KIAA0825: variants seen among roughly 807,000 people sequenced by gnomAD.
KIAA0825 encodes the protein KIAA0825, also known as uncharacterized protein KIAA0825.
A neutral mutation model predicts 147.6 loss-of-function variants in KIAA0825; 119 were observed. That is an observed-to-expected ratio of 0.81 (90% CI 0.69 to 0.94). The LOEUF (loss-of-function observed/expected upper bound fraction) is 0.94, where lower values mean the gene tolerates loss of function less well. Among genes scored for constraint, KIAA0825 ranks in the 40% least tolerant of loss-of-function variants. KIAA0825 has a pLI of 0.00. For synonymous variants in KIAA0825, 470 were observed against 518.1 expected (o/e 0.91, Z 1.26); for missense variants, 1,381 against 1,472.7 (o/e 0.94, Z 1.02).
At chr5:94,590,222 C>A (rs950986353) in intron 1 of KIAA0825, among the ~76,000 whole-genome samples, 1 of 151,994 alleles carries the variant, frequency 6.6e-6, no homozygotes, top group Non-Finnish European at 1.5e-5. Context: ...CTCGAACTCC[C>A]AACCTCAAGT....
intron 13 of KIAA0825, among the ~76,000 whole-genome samples, chr5:94,440,360 A>G (rs1756915215): frequency 6.6e-6 from 1 of 152,134 alleles, no homozygotes; most frequent in Non-Finnish European, 1.5e-5. Flanking sequence ...GATACAAAAT[A>G]CCCATGCCTA....
chr5:94,568,654 C>T (rs1174861005), intron 2 of KIAA0825: 1 of 152,390 alleles, frequency 6.6e-6, no homozygotes, highest in African/African-American at 2.4e-5. Flanking sequence ...ACTACTTAAC[C>T]AACAAACTCA....
intron 2 of KIAA0825, among the ~76,000 whole-genome samples, chr5:94,543,360 T>C (rs1023676245): frequency 4.6e-5 from 7 of 152,246 alleles, no homozygotes; most frequent in African/African-American, 1.7e-4. Context: ...GGAGAATTGC[T>C]TGAGCCCAGG....
chr5:94,555,151 T>C (rs920905697), intron 2 of KIAA0825, among the ~76,000 whole-genome samples: 2 of 152,136 alleles, frequency 1.3e-5, no homozygotes, highest in Non-Finnish European at 2.9e-5. Flanking sequence ...TTACTTGTAA[T>C]ATTTTAGGGT....
chr5:94,284,346 A>G (rs1341817575), intron 20 of KIAA0825, among the ~76,000 whole-genome samples: 2 of 152,092 alleles, frequency 1.3e-5, no homozygotes, highest in African/African-American at 4.8e-5. Context: ...ATCCTTGCCT[A>G]TATCACCCCA....
At chr5:94,411,862 G>A (rs973895558) in intron 15 of KIAA0825, among the ~76,000 whole-genome samples, 5 of 151,976 alleles carry the variant, frequency 3.3e-5, no homozygotes, top group African/African-American at 4.8e-5. Flanking sequence ...CAGGAGAATC[G>A]CTTGAACCTG....
intron 3 of KIAA0825, among the ~76,000 whole-genome samples, chr5:94,524,938 C>T (rs1039385234): frequency 6.6e-6 from 1 of 151,786 alleles, no homozygotes; most frequent in Admixed American, 6.6e-5. Flanking sequence ...ATTTTAATTT[C>T]CATACACACT....
chr5:94,378,815 T>G (rs1029089401), intron 20 of KIAA0825, among the ~76,000 whole-genome samples: 2 of 152,256 alleles, frequency 1.3e-5, no homozygotes, highest in African/African-American at 4.8e-5. Context: ...TGTGAGATGC[T>G]ATCTCATTGT....
chr5:94,243,339 C>T (rs866703743), intron 20 of KIAA0825, among the ~76,000 whole-genome samples: 1 of 152,174 alleles, frequency 6.6e-6, no homozygotes, highest in South Asian at 2.1e-4. Flanking sequence ...GCAGGCCTTG[C>T]AGGGTATAAC....
rs1760032635 is a variant in KIAA0825, at chr5:94,463,053, A to T, written c.2064-484T>A. Among the ~76,000 whole-genome samples the T allele has an allele frequency of 2.0e-5, 3 of 152,070 alleles. No homozygotes were observed. The South Asian group carries it at 6.2e-4, about 31-fold the overall frequency. On this transcript the variant is annotated intron_variant, in intron 11 of 20. Coordinates refer to ENST00000682413, the MANE Select transcript of KIAA0825 (RefSeq NM_001145678.3). ...TTCTCCCAGCAAGTGGGAGATAAGAAGAAATGACAAACGAAGCTCAAATCG... is the reference window on the plus strand; with the variant it reads ...TTCTCCCAGCAAGTGGGAGATAAGATGAAATGACAAACGAAGCTCAAATCG...
At chr5:94,601,916 G>C (rs1360600256) in intron 1 of KIAA0825, among the ~76,000 whole-genome samples, 1 of 152,312 alleles carries the variant, frequency 6.6e-6, no homozygotes, top group East Asian at 1.9e-4. Context: ...ATCTATGACT[G>C]ACTGGTGTAC....
At chr5:94,529,354 GT>G (rs1454711152) in intron 3 of KIAA0825, among the ~76,000 whole-genome samples, 1 of 135,112 alleles carries the variant, frequency 7.4e-6, no homozygotes, top group African/African-American at 3.0e-5. Context: ...TATCATATAT[GT>G]ATATATCATA....
At position 94,473,356 on chromosome 5, in the gene KIAA0825, A is replaced by G; in HGVS notation, c.1391T>C (p.Val464Ala). The change falls in exon 8 of 21, where the codon GTC (valine) becomes GCC (alanine). Residue 464 changes from valine to alanine, a missense_variant. Physicochemically the swap from Val to Ala is moderately conservative, Grantham distance 64 (BLOSUM62 0). Transcript: ENST00000682413. ...ATGGCTGTCTTGCCAAACTTGCTGG[A>G]CATTTACAAGGTTCATAGCATAGCT... ...AVSYAMNLVN[V>A]QQVWQDSHMF... 1 of 1,551,882 alleles carries G rather than the reference A, an allele frequency of 6.4e-7. No homozygotes were observed. The highest frequency in any genetic ancestry group is 8.7e-7 in the Non-Finnish European group (1 of 1,147,036).
At chr5:94,611,030 T>G (rs148380626) in intron 1 of KIAA0825, among the ~76,000 whole-genome samples, 274 of 152,138 alleles carry the variant, frequency 1.8e-3, no homozygotes, top group African/African-American at 6.1e-3. Flanking sequence ...CAACTGCAGC[T>G]GTACAACCTC....
At chr5:94,418,706 G>A (rs1753796575) in intron 14 of KIAA0825, among the ~76,000 whole-genome samples, 1 of 152,054 alleles carries the variant, frequency 6.6e-6, no homozygotes, top group Non-Finnish European at 1.5e-5. Context: ...AAAGTAGGCT[G>A]AAAATTGCTG....
At chr5:94,395,192 G>A (rs1323709128) in intron 17 of KIAA0825, among the ~76,000 whole-genome samples, 2 of 152,086 alleles carry the variant, frequency 1.3e-5, no homozygotes, top group Admixed American at 6.6e-5. Context: ...CCATTTACAA[G>A]GGATTTGTAC....
At position 94,281,198 on chromosome 5, in the gene KIAA0825, AACACACACACACACACACAC is replaced by A. The variant is rs34358354; in HGVS notation, c.3710+103150_3710+103169del. ...ATATTAATTCAAACATAAGTGATTT[AACACACACACACACACACAC>A]ACACACACACACACACACACACACA... On this transcript the variant is annotated intron_variant, in intron 20 of 20. Transcript: ENST00000682413. 4.1e-5 allele frequency among the ~76,000 whole-genome samples: 6 copies of A among 145,124 alleles called. No individual in the cohort carries two copies. The East Asian group carries it at 8.3e-4, about 20-fold the overall frequency.
chr5:94,270,878 C>T (rs1040675223), intron 20 of KIAA0825, among the ~76,000 whole-genome samples: 1 of 152,180 alleles, frequency 6.6e-6, no homozygotes, highest in African/African-American at 2.4e-5. Flanking sequence ...GTGCAGATAT[C>T]ATGGGTTGAC....
intron 1 of KIAA0825, among the ~76,000 whole-genome samples, chr5:94,603,487 A>C (rs1383551636): frequency 2.0e-5 from 3 of 152,218 alleles, no homozygotes; most frequent in Non-Finnish European, 4.4e-5. Flanking sequence ...ACGTACACAG[A>C]CCAATGACAC....
Sources: gnomAD v4.1 joint callset for allele counts (sites outside exome capture counted in the v4.1 genomes callset) on GRCh38, gnomAD v4.1.1 for gene constraint, MANE v1.5 for transcripts, NCBI Gene and HGNC (gene_info 2026-07-23, HGNC 2026-07-21) for gene names.